Variants in ZMAT4 observed in about 807,000 individuals in gnomAD.
ZMAT4 encodes zinc finger matrin-type protein 4.
A neutral mutation model predicts 28.7 loss-of-function variants in ZMAT4; 17 were observed. That is an observed-to-expected ratio of 0.59 (90% CI 0.41 to 0.89). ZMAT4 has a LOEUF of 0.89. ZMAT4 is among the 40% of genes least tolerant of loss of function. The pLI, the probability that ZMAT4 is intolerant of heterozygous loss-of-function variation, is 0.00. For synonymous variants in ZMAT4, 117 were observed against 109.2 expected (o/e 1.07, Z -0.44); for missense variants, 240 against 283.8 (o/e 0.85, Z 1.11).
intron 3 of ZMAT4, 28 bp from the exon 4 acceptor site, chr8:40,697,429 G>T: frequency 6.6e-7 from 1 of 1,508,616 alleles, no homozygotes; most frequent in Non-Finnish European, 8.9e-7. Context: ...AAGGCCACGT[G>T]TGAGAGAAAC....
At chr8:40,842,390 G>T (rs552682696) in intron 1 of ZMAT4, among the ~76,000 whole-genome samples, 16 of 152,328 alleles carry the variant, frequency 1.1e-4, no homozygotes, top group Admixed American at 1.0e-3. Flanking sequence ...TCCTTCAAGG[G>T]TCTTGTAATC....
intron 6 of ZMAT4, among the ~76,000 whole-genome samples, chr8:40,577,330 T>A (rs527333154): frequency 6.6e-6 from 1 of 152,198 alleles, no homozygotes; most frequent in East Asian, 1.9e-4. Flanking sequence ...TAAAGACATA[T>A]AATACTATTT....
intron 3 of ZMAT4, 55 bp from the exon 4 acceptor site, chr8:40,697,456 C>T (rs965414350): frequency 1.4e-6 from 2 of 1,429,144 alleles, no homozygotes; most frequent in Non-Finnish European, 1.9e-6. Flanking sequence ...CATTCTTTTA[C>T]AAATGAGACT....
In ZMAT4 at chr8:40,716,967, T is replaced by C. The variant is rs576434930; in HGVS notation, c.193-19566A>G. On this transcript the variant is annotated intron_variant, in intron 3 of 6. Coordinates refer to ENST00000297737, the MANE Select transcript of ZMAT4 (RefSeq NM_024645.3). ...CTGGACGCTAGCATACCTATCATTG[T>C]GAAACTGTGTCACTGGAAAGTTAAT... is the stretch of plus-strand genomic sequence containing the variant. 1.4e-4 allele frequency among the ~76,000 whole-genome samples: 22 copies of C among 152,348 alleles called. No homozygotes were observed. In the South Asian group the frequency reaches 2.5e-3, roughly 17 times the overall value.
chr8:40,673,124 T>C (rs1808750256), intron 5 of ZMAT4, among the ~76,000 whole-genome samples: 1 of 152,232 alleles, frequency 6.6e-6, no homozygotes, highest in African/African-American at 2.4e-5. Flanking sequence ...GATGACTTCT[T>C]AGCTGTCTCT....
At chr8:40,757,499 T>C (rs932136882) in intron 3 of ZMAT4, among the ~76,000 whole-genome samples, 6 of 151,026 alleles carry the variant, frequency 4.0e-5, no homozygotes, top group South Asian at 2.1e-4. Flanking sequence ...GGCAGGAGAA[T>C]CACTGGAACC....
chr8:40,625,551 A>C (rs1806343710), intron 5 of ZMAT4, among the ~76,000 whole-genome samples: 1 of 152,120 alleles, frequency 6.6e-6, no homozygotes, highest in African/African-American at 2.4e-5. Flanking sequence ...ACTAAACGTG[A>C]CATTAGAGGG....
intron 6 of ZMAT4, among the ~76,000 whole-genome samples, chr8:40,575,400 G>A (rs948826177): frequency 6.6e-6 from 1 of 152,028 alleles, no homozygotes; most frequent in African/African-American, 2.4e-5. Flanking sequence ...TTCATCCCAA[G>A]AGAATCAGTC....
intron 3 of ZMAT4, among the ~76,000 whole-genome samples, chr8:40,747,899 A>G (rs896336086): frequency 3.3e-5 from 5 of 152,236 alleles, no homozygotes; most frequent in African/African-American, 1.2e-4. Flanking sequence ...GAAAAGGTCA[A>G]TCATCACTCA....
chr8:40,636,446 A>C (rs990739085), intron 5 of ZMAT4, among the ~76,000 whole-genome samples: 4 of 152,214 alleles, frequency 2.6e-5, no homozygotes, highest in Admixed American at 2.0e-4. Context: ...TGACAAACCC[A>C]ATCAACATAG....
intron 3 of ZMAT4, among the ~76,000 whole-genome samples, chr8:40,767,363 C>T (rs557619913): frequency 5.3e-5 from 8 of 152,258 alleles, no homozygotes; most frequent in African/African-American, 1.9e-4. Flanking sequence ...CTCCCCTTAC[C>T]CAGCCTTGCT....
chr8:40,660,030 C>G (rs146081068), intron 5 of ZMAT4, among the ~76,000 whole-genome samples: 1 of 152,270 alleles, frequency 6.6e-6, no homozygotes, highest in Admixed American at 6.5e-5. Context: ...AGTTTGCCAG[C>G]GGGTATCTGT....
intron 2 of ZMAT4, chr8:40,808,443 C>A: frequency 2.5e-6 from 1 of 399,502 alleles, no homozygotes; most frequent in South Asian, 1.8e-5. Context: ...TAAGAGACAG[C>A]TTGGCAATAA....
At chr8:40,849,795 C>T (rs1396381881) in intron 1 of ZMAT4, among the ~76,000 whole-genome samples, 1 of 152,310 alleles carries the variant, frequency 6.6e-6, no homozygotes, top group East Asian at 1.9e-4. Flanking sequence ...TATGTGACCA[C>T]TATCTGCTCA....
intron 5 of ZMAT4, 165 bp downstream of exon 5, chr8:40,674,539 A>G: frequency 1.7e-6 from 1 of 594,274 alleles, no homozygotes; most frequent in Non-Finnish European, 3.0e-6. Flanking sequence ...AAATTAAACT[A>G]AAGCAAGCCT....
chr8:40,894,861 A>C (rs533584792), intron 1 of ZMAT4, among the ~76,000 whole-genome samples: 1 of 152,358 alleles, frequency 6.6e-6, no homozygotes, highest in Non-Finnish European at 1.5e-5. Flanking sequence ...AAAAGCACAA[A>C]ATTAAATTTT....
rs1245089373 is a variant in ZMAT4, at chr8:40,748,653, C to T, written c.192+18988G>A. ...ACCATATTTTTTTACTCTTTGTATT[C>T]GTTTAGCTTCTTTAAAACAAGAATG... On this transcript the variant is annotated intron_variant, in intron 3 of 6. Coordinates refer to ENST00000297737, the MANE Select transcript of ZMAT4 (RefSeq NM_024645.3). Among the ~76,000 whole-genome samples, 7 of 152,136 alleles carry T rather than the reference C, an allele frequency of 4.6e-5. No homozygotes were observed. The East Asian group carries it at 5.8e-4, about 13-fold the overall frequency.
At chr8:40,534,744 A>G (rs1462148205) in intron 6 of ZMAT4, among the ~76,000 whole-genome samples, 1 of 138,604 alleles carries the variant, frequency 7.2e-6, no homozygotes, top group Non-Finnish European at 1.5e-5. Flanking sequence ...GTGCAGTGGC[A>G]CAATCTCAGC....
chr8:40,827,629 C>T (rs1179361608), intron 1 of ZMAT4, among the ~76,000 whole-genome samples: 2 of 152,182 alleles, frequency 1.3e-5, no homozygotes, highest in Admixed American at 6.5e-5. Context: ...TCCTAAGAGA[C>T]AATAATGCCT....
Sources: gnomAD v4.1 joint callset for allele counts (sites outside exome capture counted in the v4.1 genomes callset) on GRCh38, gnomAD v4.1.1 for gene constraint, MANE v1.5 for transcripts, NCBI Gene and HGNC (gene_info 2026-07-23, HGNC 2026-07-21) for gene names.